Variants in MIPOL1 observed in about 807,000 individuals in gnomAD.
MIPOL1 encodes mirror-image polydactyly gene 1 protein.
In MIPOL1, 57 loss-of-function variants were observed where a neutral mutation model predicts 60.9. That is an observed-to-expected ratio of 0.94 (90% CI 0.76 to 1.17). MIPOL1 has a LOEUF of 1.17. Ranked by LOEUF, MIPOL1 falls within the 50% of genes most tolerant of loss-of-function variation. The probability of loss-of-function intolerance (pLI) is 0.00; values close to 1 mark genes in which losing one functional copy is unlikely to be tolerated. For missense variants in MIPOL1, 551 were observed against 511.6 expected (o/e 1.08, Z -0.74); for synonymous variants, 179 against 168.8 (o/e 1.06, Z -0.47).
rs989680857 is a variant in MIPOL1, at chr14:37,212,858, T to G, written c.-199+14754T>G. Among the ~76,000 whole-genome samples the G allele has an allele frequency of 1.2e-4, 18 of 152,140 alleles. No homozygotes were observed. In the East Asian group the frequency reaches 3.5e-3, roughly 29 times the overall value. On this transcript the variant is annotated intron_variant, in intron 1 of 12. Coordinates refer to ENST00000684589, the MANE Select transcript of MIPOL1 (RefSeq NM_001388067.1). ...ATGTCACTTTACCCCCAGATTTACG[T>G]GTCATAGAACAGAGAGAGAGAGATT...
intron 9 of MIPOL1, among the ~76,000 whole-genome samples, chr14:37,329,807 A>G (rs956103473): frequency 6.6e-6 from 1 of 152,152 alleles, no homozygotes; most frequent in Non-Finnish European, 1.5e-5. Context: ...CTGTCCTTTT[A>G]TGCAATAACT....
intron 12 of MIPOL1, among the ~76,000 whole-genome samples, chr14:37,513,660 A>C (rs1373433939): frequency 6.6e-6 from 1 of 152,148 alleles, no homozygotes; most frequent in East Asian, 1.9e-4. Context: ...ATTTTCCCTA[A>C]TAAGATAGAT....
At chr14:37,455,180 C>CT (rs1339272402) in intron 11 of MIPOL1, among the ~76,000 whole-genome samples, 1 of 152,200 alleles carries the variant, frequency 6.6e-6, no homozygotes, top group Non-Finnish European at 1.5e-5. Flanking sequence ...TAAAACTGCT[C>CT]TTTCTTCTGA....
In MIPOL1 at chr14:37,547,317, C is replaced by A; in HGVS notation, c.*346C>A. On this transcript the variant is annotated 3_prime_UTR_variant, in exon 13 of 13. Coordinates refer to ENST00000684589, the MANE Select transcript of MIPOL1 (RefSeq NM_001388067.1). ...AAAGTTGGTTAGGATCATATCTTCA[C>A]ATATGGCCCTTTCTGAATCAAAGTG... The A allele has an allele frequency of 4.9e-6, 1 of 202,136 alleles. No homozygotes were observed. The highest frequency in any genetic ancestry group is 1.0e-5 in the Non-Finnish European group (1 of 100,054). The allele number at this position is 202,136 out of a possible 1,614,324, so 12.5% of individuals were successfully genotyped here.
intron 1 of MIPOL1, among the ~76,000 whole-genome samples, chr14:37,204,548 A>C (rs918009814): frequency 2.6e-5 from 4 of 152,006 alleles, no homozygotes; most frequent in Non-Finnish European, 5.9e-5. Context: ...TTATAAGGGG[A>C]AACCCCTTTT....
intron 11 of MIPOL1, among the ~76,000 whole-genome samples, chr14:37,469,733 T>C (rs2094653737): frequency 1.3e-5 from 2 of 152,094 alleles, no homozygotes; most frequent in South Asian, 2.1e-4. Context: ...GCCATTATCA[T>C]AGAAGAAGGT....
chr14:37,497,261 A>C (rs931080171), intron 11 of MIPOL1, among the ~76,000 whole-genome samples: 8 of 152,324 alleles, frequency 5.3e-5, no homozygotes, highest in Admixed American at 5.2e-4. Context: ...AAAACACCAA[A>C]AGCAATGGCA....
At chr14:37,284,092 A>C (rs956508226) in intron 6 of MIPOL1, among the ~76,000 whole-genome samples, 2 of 152,190 alleles carry the variant, frequency 1.3e-5, no homozygotes, top group Non-Finnish European at 2.9e-5. Flanking sequence ...AAGAAATGAT[A>C]ATTTTAGATA....
In MIPOL1 at chr14:37,238,556, A is replaced by G. The variant is rs570217990; in HGVS notation, c.-198-8547A>G. Among the ~76,000 whole-genome samples, 12 of 152,310 alleles carry G rather than the reference A, an allele frequency of 7.9e-5. No homozygotes were observed. The East Asian group carries it at 2.1e-3, about 27-fold the overall frequency. ...GAGAAGATTTTCTTAACTAATTAAT[A>G]ATATAAAATGTCAGGTTAGTCATAC... On this transcript the variant is annotated intron_variant, in intron 1 of 12. Transcript: ENST00000684589.
At chr14:37,245,575 T>TA in intron 1 of MIPOL1, among the ~76,000 whole-genome samples, 1 of 152,284 alleles carries the variant, frequency 6.6e-6, no homozygotes, top group East Asian at 1.9e-4. Context: ...AGAATGTGGT[T>TA]ATTTTAATGC....
intron 9 of MIPOL1, among the ~76,000 whole-genome samples, chr14:37,332,313 G>C (rs2089763778): frequency 1.3e-5 from 2 of 152,084 alleles, no homozygotes. Context: ...ATATTGAAAT[G>C]ATTATATCAG....
At chr14:37,478,192 G>A (rs192438986) in intron 11 of MIPOL1, among the ~76,000 whole-genome samples, 32 of 152,148 alleles carry the variant, frequency 2.1e-4, no homozygotes, top group Admixed American at 5.9e-4. Flanking sequence ...ACTACATAAA[G>A]CTAAAAATGA....
chr14:37,391,492 T>G (rs1743547265), intron 10 of MIPOL1, among the ~76,000 whole-genome samples: 1 of 151,050 alleles, frequency 6.6e-6, no homozygotes, highest in African/African-American at 2.4e-5. Flanking sequence ...ACCTTTCAAG[T>G]TCAAGCCATT....
chr14:37,511,379 C>T (rs1372548862), intron 12 of MIPOL1, among the ~76,000 whole-genome samples: 2 of 152,060 alleles, frequency 1.3e-5, no homozygotes, highest in African/African-American at 4.8e-5. Context: ...ATTGCTGGTA[C>T]TGAATGTGCT....
At chr14:37,528,275 A>G (rs539879388) in intron 12 of MIPOL1, among the ~76,000 whole-genome samples, 1 of 152,122 alleles carries the variant, frequency 6.6e-6, no homozygotes, top group Non-Finnish European at 1.5e-5. Flanking sequence ...ATGTTATTAT[A>G]TATAATCTTT....
chr14:37,251,573 T>C (rs968032241), intron 3 of MIPOL1, among the ~76,000 whole-genome samples: 2 of 150,482 alleles, frequency 1.3e-5, no homozygotes, highest in African/African-American at 4.9e-5. Context: ...AAGGAAAAAA[T>C]GAAATGTCAT....
chr14:37,199,515 G>A (rs1206291034), intron 1 of MIPOL1, among the ~76,000 whole-genome samples: 1 of 151,850 alleles, frequency 6.6e-6, no homozygotes, highest in Non-Finnish European at 1.5e-5. Flanking sequence ...ATGAAATTAT[G>A]TATACTTTTT....
intron 12 of MIPOL1, among the ~76,000 whole-genome samples, chr14:37,535,611 C>T (rs972312447): frequency 1.3e-5 from 2 of 152,174 alleles, no homozygotes; most frequent in Admixed American, 6.6e-5. Context: ...TTATAACTTG[C>T]TATGGATGAA....
At chr14:37,280,040 T>C (rs1029488061) in intron 6 of MIPOL1, among the ~76,000 whole-genome samples, 27 of 152,178 alleles carry the variant, frequency 1.8e-4, no homozygotes, top group Non-Finnish European at 2.1e-4. Flanking sequence ...CATGAGGTAT[T>C]TGTCTCTCTG....
Sources: allele counts gnomAD v4.1 joint callset (sites outside exome capture counted in the v4.1 genomes callset), GRCh38; gene constraint gnomAD v4.1.1; transcripts MANE v1.5; gene names NCBI Gene and HGNC (gene_info 2026-07-23, HGNC 2026-07-21).